Variants in MAPK10 observed in about 807,000 individuals in gnomAD.
MAPK10 encodes the protein JNK3 alpha protein kinase.
MAPK10 carries 25 observed loss-of-function variants against 59.3 expected under a neutral mutation model. That is an observed-to-expected ratio of 0.42 (90% CI 0.31 to 0.59). The LOEUF (loss-of-function observed/expected upper bound fraction) is 0.59. MAPK10 is among the 20% of genes least tolerant of loss of function. The pLI is 0.15. For synonymous variants in MAPK10, 190 were observed against 200.5 expected, an observed-to-expected ratio of 0.95 and a Z score of 0.44; for missense variants, 351 against 568.9, an observed-to-expected ratio of 0.62 and a Z score of 3.90.
intron 1 of MAPK10, among the ~76,000 whole-genome samples, chr4:86,480,617 T>A (rs1340101219): frequency 6.6e-6 from 1 of 152,180 alleles, no homozygotes; most frequent in Non-Finnish European, 1.5e-5. Context: ...TTAAAGATGA[T>A]AAAATTTGTA....
At position 86,338,259 on chromosome 4, in the gene MAPK10, G is replaced by A. The variant is rs570714199; in HGVS notation, c.-7+16271C>T. The stretch of plus-strand genomic sequence containing the variant: ...AAGTACTAATAAAGGCATCTAGGTC[G>A]TTGTCCAAAACACTAAAACTAACTG... On this transcript the variant is annotated intron_variant, in intron 2 of 13. Transcript: ENST00000641462. 4.6e-5 allele frequency among the ~76,000 whole-genome samples: 7 copies of A among 152,302 alleles called. No individual in the cohort carries two copies. In the South Asian group the frequency reaches 8.3e-4, roughly 18 times the overall value.
Position 86,183,243 on chromosome 4 carries a change from C to T in MAPK10, c.66+11093G>A, listed in dbSNP as rs530404958. ...CATGTTGGTGTGCTGCACTCAGTAA[C>T]TCGTCATTTAACATTAGGTATATTT... On this transcript the variant is annotated intron_variant, in intron 3 of 13. Transcript: ENST00000641462. Among the ~76,000 whole-genome samples the T allele has an allele frequency of 9.2e-5, 14 of 151,752 alleles. No individual in the cohort carries two copies. In the South Asian group the frequency reaches 2.7e-3, roughly 29 times the overall value.
intron 2 of MAPK10, among the ~76,000 whole-genome samples, chr4:86,318,386 A>T (rs1419445349): frequency 1.3e-5 from 2 of 152,160 alleles, no homozygotes; most frequent in Non-Finnish European, 2.9e-5. Flanking sequence ...AAAACTAAAA[A>T]AACTATTTTG....
chr4:86,073,827 T>G (rs1457709370), intron 9 of MAPK10, among the ~76,000 whole-genome samples: 2 of 108,198 alleles, frequency 1.8e-5, no homozygotes, highest in Non-Finnish European at 3.8e-5. Flanking sequence ...TGTGGTCAAT[T>G]TTGGAATAGG....
At chr4:86,318,088 G>C (rs752741911) in intron 2 of MAPK10, among the ~76,000 whole-genome samples, 11 of 152,038 alleles carry the variant, frequency 7.2e-5, no homozygotes, top group Non-Finnish European at 1.6e-4. Context: ...TTGGATTTAG[G>C]GGCCCTCTCA....
intron 1 of MAPK10, among the ~76,000 whole-genome samples, chr4:86,592,369 CGAA>C (rs1477834937): frequency 1.3e-5 from 2 of 151,072 alleles, no homozygotes; most frequent in African/African-American, 4.9e-5. Context: ...AAAAAAAACA[CGAA>C]GAAGAAAAAG....
intron 1 of MAPK10, among the ~76,000 whole-genome samples, chr4:86,406,081 C>T (rs1160283404): frequency 6.6e-6 from 1 of 152,088 alleles, no homozygotes; most frequent in Non-Finnish European, 1.5e-5. Flanking sequence ...AGTGCTAGAC[C>T]TTTCAGAAGA....
Position 86,013,385 on chromosome 4 carries a change from G to C in MAPK10, c.*3843C>G, listed in dbSNP as rs115866804. The stretch of plus-strand genomic sequence containing the variant: ...TGGGTTCCTCTTTGGATGCAAAGTG[G>C]CTGAGATCAAAAATTTCTAGAGCAA... On this transcript the variant is annotated 3_prime_UTR_variant, in exon 14 of 14. Coordinates refer to ENST00000641462, the MANE Select transcript of MAPK10 (RefSeq NM_138982.4). The C allele has an allele frequency of 6.6e-6, 1 of 152,230 alleles. No individual in the cohort carries two copies. Among genetic ancestry groups the C allele is most frequent in the South Asian group, 2.1e-4 (1 of 4,818 alleles). 9.4% of individuals were successfully genotyped at this position (152,230 alleles called of 1,614,324 possible). A position where few individuals can be genotyped will look rare whatever the true frequency, so the allele number is the denominator to read the frequency against.
At chr4:86,582,825 A>G (rs990398111) in intron 1 of MAPK10, among the ~76,000 whole-genome samples, 2 of 152,202 alleles carry the variant, frequency 1.3e-5, no homozygotes, top group Admixed American at 6.5e-5. Context: ...ATTTTAGTTG[A>G]TAATTTATAT....
intron 2 of MAPK10, among the ~76,000 whole-genome samples, chr4:86,214,427 G>T (rs1196202727): frequency 6.0e-5 from 9 of 149,186 alleles, no homozygotes; most frequent in African/African-American, 2.2e-4. Context: ...TAAAGAAAGG[G>T]CATCCAAATT....
intron 13 of MAPK10, chr4:86,024,464 T>A (rs1433665654): frequency 1.3e-5 from 2 of 152,188 alleles, no homozygotes; most frequent in Non-Finnish European, 2.9e-5. Flanking sequence ...ATTCCGAGTG[T>A]TATGCCATAC....
chr4:86,305,309 G>A (rs1008954464), intron 2 of MAPK10, among the ~76,000 whole-genome samples: 1 of 152,166 alleles, frequency 6.6e-6, no homozygotes, highest in Non-Finnish European at 1.5e-5. Flanking sequence ...AAAGAGTCAT[G>A]TAGATTCTGG....
intron 2 of MAPK10, among the ~76,000 whole-genome samples, chr4:86,345,123 C>T (rs4693764): frequency 0.72 from 109,772 of 151,994 alleles, 40,433 homozygotes; most frequent in South Asian, 0.9. Context: ...GACAACAAAA[C>T]GGGGAAAGTT....
At position 86,101,231 on chromosome 4, in the gene MAPK10, T is replaced by TA. The variant is rs2055307653; in HGVS notation, c.565-15dup. The TA allele has an allele frequency of 6.2e-7, 1 of 1,607,248 alleles. No individual in the cohort carries two copies. The highest frequency in any genetic ancestry group is 1.3e-5 in the African/African-American group (1 of 74,628). On this transcript the variant is annotated splice_polypyrimidine_tract_variant and intron_variant, in intron 7 of 13. Transcript: ENST00000641462. The stretch of plus-strand genomic sequence containing the variant: ...TGGTTTTAAATCCTAACAGTAAGGA[T>TA]AAGGGAAAAAATTAAAAGCCAGTAT...
chr4:86,461,816 C>T (rs2149061593), intron 1 of MAPK10, among the ~76,000 whole-genome samples: 1 of 152,202 alleles, frequency 6.6e-6, no homozygotes, highest in East Asian at 1.9e-4. Flanking sequence ...AAGTAGTTGC[C>T]CCAGTAACTG....
intron 2 of MAPK10, among the ~76,000 whole-genome samples, chr4:86,334,027 C>A (rs2096215455): frequency 6.6e-6 from 1 of 152,120 alleles, no homozygotes; most frequent in Non-Finnish European, 1.5e-5. Flanking sequence ...CTCACCATAA[C>A]CTCCAGCCCA....
intron 1 of MAPK10, among the ~76,000 whole-genome samples, chr4:86,588,977 T>C (rs924318916): frequency 1.3e-5 from 2 of 152,164 alleles, no homozygotes; most frequent in African/African-American, 4.8e-5. Context: ...TTGAATATGA[T>C]ACAGAGAGGA....
chr4:86,590,430 T>A (rs1762954378), intron 1 of MAPK10, among the ~76,000 whole-genome samples: 2 of 152,344 alleles, frequency 1.3e-5, no homozygotes, highest in Admixed American at 1.3e-4. Flanking sequence ...CTCTTCCAAA[T>A]GAATTTTTAA....
intron 11 of MAPK10, among the ~76,000 whole-genome samples, chr4:86,061,622 C>A (rs749452275): frequency 6.2e-4 from 94 of 152,142 alleles, no homozygotes; most frequent in Non-Finnish European, 1.2e-3. Context: ...CGTAGTATAA[C>A]TAATAGCTTA....
Sources: gnomAD v4.1 joint callset for allele counts (sites outside exome capture counted in the v4.1 genomes callset) on GRCh38, gnomAD v4.1.1 for gene constraint, MANE v1.5 for transcripts, NCBI Gene and HGNC (gene_info 2026-07-23, HGNC 2026-07-21) for gene names.